The following PARD3 variants were observed in gnomAD, a reference collection of about 807,000 sequenced individuals.
PARD3 encodes the protein partitioning defective 3 homolog.
Under a neutral mutation model 155.4 loss-of-function variants are expected in PARD3, and 75 were observed. The ratio of observed to expected loss-of-function variants is 0.48; its 90% CI spans 0.40 to 0.58. PARD3 has a LOEUF of 0.58. Ranked by LOEUF, PARD3 falls within the 20% of genes least tolerant of loss-of-function variation. The pLI is 0.00. For synonymous variants in PARD3, 576 were observed against 610.5 expected (o/e 0.94, Z 0.83); for missense variants, 1,642 against 1,721.7 (o/e 0.95, Z 0.82).
intron 2 of PARD3, among the ~76,000 whole-genome samples, chr10:34,549,738 A>G (rs1421963499): frequency 6.6e-6 from 1 of 152,272 alleles, no homozygotes; most frequent in South Asian, 2.1e-4. Context: ...AAACAGGAAT[A>G]AATTTCATTG....
At chr10:34,496,577 C>T (rs997806202) in intron 3 of PARD3, among the ~76,000 whole-genome samples, 1 of 152,046 alleles carries the variant, frequency 6.6e-6, no homozygotes, top group African/African-American at 2.4e-5. Flanking sequence ...TAAGAAACAC[C>T]GAGGTTATAG....
At chr10:34,681,684 T>C (rs2093823649) in intron 2 of PARD3, among the ~76,000 whole-genome samples, 1 of 138,676 alleles carries the variant, frequency 7.2e-6, no homozygotes, top group Non-Finnish European at 1.5e-5. Flanking sequence ...TATACATGTA[T>C]ATAATTAGAT....
chr10:34,762,910 A>C (rs1353533175), intron 1 of PARD3, among the ~76,000 whole-genome samples: 1 of 152,258 alleles, frequency 6.6e-6, no homozygotes, highest in African/African-American at 2.4e-5. Flanking sequence ...TTTAAGAATA[A>C]GAAACATTGT....
At chr10:34,645,601 A>G (rs992194634) in intron 2 of PARD3, among the ~76,000 whole-genome samples, 12 of 152,220 alleles carry the variant, frequency 7.9e-5, no homozygotes, top group African/African-American at 2.7e-4. Context: ...CAAAACAGGT[A>G]TCTCTTACCA....
At chr10:34,563,517 C>G (rs2085674711) in intron 2 of PARD3, among the ~76,000 whole-genome samples, 1 of 144,862 alleles carries the variant, frequency 6.9e-6, no homozygotes, top group African/African-American at 2.7e-5. Flanking sequence ...TAGGTGCACG[C>G]CACCACGCCT....
chr10:34,461,632 G>A (rs2077659723), intron 4 of PARD3, among the ~76,000 whole-genome samples: 1 of 152,004 alleles, frequency 6.6e-6, no homozygotes, highest in Admixed American at 6.6e-5. Context: ...TAAATAAAAA[G>A]ATGAAATGAG....
At chr10:34,210,322 G>A (rs957664533) in intron 22 of PARD3, among the ~76,000 whole-genome samples, 2 of 152,160 alleles carry the variant, frequency 1.3e-5, no homozygotes, top group Non-Finnish European at 2.9e-5. Flanking sequence ...TAAGCTTGTG[G>A]TTTAATTCTT....
chr10:34,446,726 T>G (rs1048498608), intron 5 of PARD3, among the ~76,000 whole-genome samples: 4 of 152,250 alleles, frequency 2.6e-5, no homozygotes, highest in African/African-American at 9.6e-5. Flanking sequence ...GTTTGTATGC[T>G]AACACTTAAT....
intron 1 of PARD3, among the ~76,000 whole-genome samples, chr10:34,745,511 G>A (rs1370501431): frequency 1.3e-5 from 2 of 151,980 alleles, no homozygotes; most frequent in African/African-American, 2.4e-5. Flanking sequence ...GAATACACAC[G>A]CTCTGGGGTG....
chr10:34,813,537 A>G (rs958306790), intron 1 of PARD3, among the ~76,000 whole-genome samples: 2 of 152,254 alleles, frequency 1.3e-5, no homozygotes, highest in Non-Finnish European at 2.9e-5. Context: ...TGTAAGGAAC[A>G]TAACAGAGCT....
chr10:34,129,664 A>T (rs1426131776), intron 23 of PARD3, among the ~76,000 whole-genome samples: 1 of 132,378 alleles, frequency 7.6e-6, no homozygotes. Context: ...CCCTTCCTCA[A>T]ATCAAATGTT....
intron 3 of PARD3, among the ~76,000 whole-genome samples, chr10:34,478,247 T>C (rs1356662562): frequency 1.3e-5 from 2 of 152,180 alleles, no homozygotes; most frequent in Non-Finnish European, 2.9e-5. Context: ...TACAGATAAG[T>C]GCAATGAGCA....
chr10:34,504,528 T>C (rs1204772135), intron 3 of PARD3, among the ~76,000 whole-genome samples: 3 of 152,064 alleles, frequency 2.0e-5, no homozygotes, highest in Non-Finnish European at 4.4e-5. Flanking sequence ...TATAAATAAA[T>C]TGAGTAAACA....
intron 12 of PARD3, among the ~76,000 whole-genome samples, chr10:34,366,267 A>G (rs927683290): frequency 6.6e-6 from 1 of 152,212 alleles, no homozygotes; most frequent in African/African-American, 2.4e-5. Context: ...AAGATATTCA[A>G]CACTTTATTG....
rs184455726 is a variant in PARD3 at position 34,121,355 on chromosome 10, G to A, written c.3541-1615C>T. Reference sequence around the variant, plus strand: ...AGCATCAGCAGTAGGCCCCTTAAGTGATCCTTTTCAGTACTCGCCACCCTC... The same window carrying A: ...AGCATCAGCAGTAGGCCCCTTAAGTAATCCTTTTCAGTACTCGCCACCCTC... On this transcript the variant is annotated intron_variant, in intron 23 of 24. Coordinates refer to ENST00000374788, the MANE Select transcript of PARD3 (RefSeq NM_001184785.2). Among the ~76,000 whole-genome samples the A allele has an allele frequency of 1.8e-3, 277 of 152,340 alleles. 1 individual carries two copies. Among genetic ancestry groups the A allele is most frequent in the African/African-American group, 6.4e-3 (267 of 41,582 alleles).
At chr10:34,739,601 C>G (rs1191581448) in intron 1 of PARD3, among the ~76,000 whole-genome samples, 2 of 152,178 alleles carry the variant, frequency 1.3e-5, no homozygotes, top group Non-Finnish European at 2.9e-5. Context: ...GTGATATCCC[C>G]TCCTCTTGCC....
At chr10:34,664,983 T>C (rs2093414392) in intron 2 of PARD3, among the ~76,000 whole-genome samples, 1 of 149,192 alleles carries the variant, frequency 6.7e-6, no homozygotes. Context: ...GTGTGTGGTG[T>C]GTGTGAAGAG....
intron 24 of PARD3, among the ~76,000 whole-genome samples, chr10:34,112,740 C>T (rs1946451765): frequency 6.6e-6 from 1 of 152,220 alleles, no homozygotes; most frequent in Non-Finnish European, 1.5e-5. Context: ...TGAACATTCA[C>T]AATTGCATCA....
At chr10:34,134,618 G>A (rs970169710) in intron 22 of PARD3, among the ~76,000 whole-genome samples, 3 of 152,184 alleles carry the variant, frequency 2.0e-5, no homozygotes, top group Non-Finnish European at 4.4e-5. Flanking sequence ...GGGGAGCTAG[G>A]CAGACCTTTG....
Sources: allele counts gnomAD v4.1 joint callset (sites outside exome capture counted in the v4.1 genomes callset), GRCh38; gene constraint gnomAD v4.1.1; transcripts MANE v1.5; gene names NCBI Gene and HGNC (gene_info 2026-07-23, HGNC 2026-07-21).